Variants in EDIL3 observed in about 807,000 individuals in gnomAD.
The protein encoded by EDIL3 is EGF like and discoidin domains 3, also known as EGF-like repeat and discoidin I-like domain-containing protein 3.
Under a neutral mutation model 67.4 loss-of-function variants are expected in EDIL3, and 37 were observed. The ratio of observed to expected loss-of-function variants is 0.55; its 90% CI spans 0.42 to 0.72. The LOEUF (loss-of-function observed/expected upper bound fraction) is 0.72. EDIL3 is among the 30% of genes least tolerant of loss of function. The pLI is 0.00. For synonymous variants in EDIL3, 195 were observed against 196.3 expected (o/e 0.99, Z 0.05); for missense variants, 527 against 586.3 (o/e 0.90, Z 1.04).
chr5:84,334,445 ATTC>A (rs1320856370), intron 1 of EDIL3, among the ~76,000 whole-genome samples: 1 of 152,182 alleles, frequency 6.6e-6, no homozygotes, highest in Non-Finnish European at 1.5e-5. Flanking sequence ...AAATCAAATT[ATTC>A]TTCATTTTAA....
chr5:84,037,464 A>G (rs1051296259), intron 9 of EDIL3, among the ~76,000 whole-genome samples: 6 of 152,248 alleles, frequency 3.9e-5, no homozygotes, highest in African/African-American at 1.2e-4. Context: ...TAAAGAAAAT[A>G]CTACAAAATA....
chr5:84,239,181 A>G (rs1163056602), intron 2 of EDIL3, among the ~76,000 whole-genome samples: 1 of 152,182 alleles, frequency 6.6e-6, no homozygotes, highest in African/African-American at 2.4e-5. Context: ...CTTAACTGAG[A>G]TAAATATCCC....
intron 1 of EDIL3, among the ~76,000 whole-genome samples, chr5:84,270,425 C>T (rs1366248643): frequency 6.6e-6 from 1 of 152,058 alleles, no homozygotes; most frequent in African/African-American, 2.4e-5. Flanking sequence ...AACTCATAAG[C>T]CTAAGGATAT....
chr5:84,225,667 T>A (rs1179387357), intron 3 of EDIL3, among the ~76,000 whole-genome samples: 1 of 151,644 alleles, frequency 6.6e-6, no homozygotes, highest in Non-Finnish European at 1.5e-5. Context: ...TTATTGAAGA[T>A]AAACATCTAT....
At chr5:84,075,979 CAT>C (rs1746849848) in intron 6 of EDIL3, among the ~76,000 whole-genome samples, 1 of 147,048 alleles carries the variant, frequency 6.8e-6, no homozygotes, top group East Asian at 2.0e-4. Flanking sequence ...AAATATTTAT[CAT>C]ATTAGAAATT....
At chr5:84,359,642 C>T (rs944335928) in intron 1 of EDIL3, among the ~76,000 whole-genome samples, 1 of 152,138 alleles carries the variant, frequency 6.6e-6, no homozygotes, top group South Asian at 2.1e-4. Context: ...GAATCTATTA[C>T]TATATCTAAA....
intron 1 of EDIL3, among the ~76,000 whole-genome samples, chr5:84,330,747 T>C (rs2112165345): frequency 6.6e-6 from 1 of 152,226 alleles, no homozygotes; most frequent in Non-Finnish European, 1.5e-5. Flanking sequence ...GCAGTCAAAC[T>C]CACCACCCTG....
chr5:83,953,458 T>C (rs1335581993), intron 10 of EDIL3, among the ~76,000 whole-genome samples: 2 of 151,784 alleles, frequency 1.3e-5, no homozygotes, highest in South Asian at 4.1e-4. Flanking sequence ...CTTATGGCTA[T>C]TGGGGTATTA....
intron 1 of EDIL3, among the ~76,000 whole-genome samples, chr5:84,282,143 T>C (rs1745718432): frequency 6.6e-6 from 1 of 152,016 alleles, no homozygotes; most frequent in Admixed American, 6.6e-5. Context: ...AGTGCTGGGA[T>C]TACAGGCGTG....
chr5:84,353,569 G>A (rs955819623), intron 1 of EDIL3, among the ~76,000 whole-genome samples: 6 of 152,042 alleles, frequency 3.9e-5, no homozygotes, highest in African/African-American at 1.2e-4. Flanking sequence ...TTATTTCAAC[G>A]AATACTTAGG....
intron 9 of EDIL3, among the ~76,000 whole-genome samples, chr5:84,019,564 A>C (rs1161430627): frequency 6.6e-6 from 1 of 152,068 alleles, no homozygotes; most frequent in Admixed American, 6.6e-5. Context: ...AAATAAAATA[A>C]AAATAACAAC....
intron 9 of EDIL3, among the ~76,000 whole-genome samples, chr5:84,016,212 T>C (rs1487430332): frequency 6.6e-6 from 1 of 152,152 alleles, no homozygotes; most frequent in African/African-American, 2.4e-5. Flanking sequence ...TATTATATTG[T>C]GTGTTACAGT....
intron 9 of EDIL3, among the ~76,000 whole-genome samples, chr5:84,014,002 A>G (rs987086875): frequency 6.6e-6 from 1 of 152,158 alleles, no homozygotes; most frequent in Admixed American, 6.6e-5. Context: ...TCAGCTACTT[A>G]TATCATGTTT....
chr5:84,321,409 T>C (rs1054781914), intron 1 of EDIL3, among the ~76,000 whole-genome samples: 3 of 152,110 alleles, frequency 2.0e-5, no homozygotes, highest in Admixed American at 6.6e-5. Context: ...TCTGGGGAGA[T>C]AGTGGAGTAG....
chr5:84,312,667 T>C (rs1167030063), intron 1 of EDIL3, among the ~76,000 whole-genome samples: 2 of 151,440 alleles, frequency 1.3e-5, no homozygotes, highest in Non-Finnish European at 2.9e-5. Context: ...GGCTCCTCAC[T>C]TCCAAGTAGG....
chr5:84,041,711 TAG>T (rs1746129196), intron 9 of EDIL3, among the ~76,000 whole-genome samples: 3 of 146,000 alleles, frequency 2.1e-5, no homozygotes, highest in African/African-American at 7.6e-5. Context: ...TATATATATA[TAG>T]ATATATATAA....
chr5:84,295,252 C>G (rs765339606), intron 1 of EDIL3, among the ~76,000 whole-genome samples: 2 of 151,796 alleles, frequency 1.3e-5, no homozygotes, highest in Non-Finnish European at 1.5e-5. Context: ...TGTGTGTTAA[C>G]CTGTATGAGT....
At chr5:84,341,083 T>C (rs1747102071) in intron 1 of EDIL3, among the ~76,000 whole-genome samples, 1 of 151,998 alleles carries the variant, frequency 6.6e-6, no homozygotes, top group Admixed American at 6.6e-5. Context: ...TCCAACTACA[T>C]TTCCTTTCCA....
intron 1 of EDIL3, among the ~76,000 whole-genome samples, chr5:84,279,995 C>T (rs1357942729): frequency 6.6e-6 from 1 of 152,184 alleles, no homozygotes; most frequent in East Asian, 1.9e-4. Flanking sequence ...GAAAACTGAA[C>T]ATTTCCTTTG....
Sources: gnomAD v4.1 joint callset for allele counts (sites outside exome capture counted in the v4.1 genomes callset) on GRCh38, gnomAD v4.1.1 for gene constraint, MANE v1.5 for transcripts, NCBI Gene and HGNC (gene_info 2026-07-23, HGNC 2026-07-21) for gene names.